NOL9: variants seen among roughly 807,000 people sequenced by gnomAD.
The protein encoded by NOL9 is nucleolar protein 9.
Under a neutral mutation model 67.9 loss-of-function variants are expected in NOL9, and 28 were observed. The ratio of observed to expected loss-of-function variants is 0.41; its 90% CI spans 0.31 to 0.57. The LOEUF (loss-of-function observed/expected upper bound fraction) is 0.57, where lower values mean the gene tolerates loss of function less well. Among genes scored for constraint, NOL9 ranks in the 20% least tolerant of loss-of-function variants. NOL9 has a pLI of 0.25. For synonymous variants in NOL9, 356 were observed against 352.2 expected (o/e 1.01, Z -0.12); for missense variants, 777 against 897.0 (o/e 0.87, Z 1.71).
intron 6 of NOL9, among the ~76,000 whole-genome samples, chr1:6,539,288 T>C (rs1639223664): frequency 6.6e-6 from 1 of 152,162 alleles, no homozygotes. Flanking sequence ...ACCCAGCAAT[T>C]CCACTCCTCG....
In NOL9 at chr1:6,552,296, G is replaced by T. The variant is rs529231674; in HGVS notation, c.397-1681C>A. Among the ~76,000 whole-genome samples the T allele has an allele frequency of 2.2e-3, 341 of 152,252 alleles. 4 individuals carry two copies. The highest frequency in any genetic ancestry group is 1.2e-3 in the Non-Finnish European group (84 of 68,026). ...GTACCCTGGAACTTAAAAGTGCTGG[G>T]ATTACAGGCGTGAGCCACCACACCC... is the stretch of plus-strand genomic sequence containing the variant. On this transcript the variant is annotated intron_variant, in intron 1 of 11. Transcript: ENST00000377705.
At chr1:6,546,097 T>G (rs1245240095) in intron 3 of NOL9, among the ~76,000 whole-genome samples, 1 of 151,910 alleles carries the variant, frequency 6.6e-6, no homozygotes, top group Non-Finnish European at 1.5e-5. Flanking sequence ...CAAGAATATC[T>G]AACAAAATTA....
At chr1:6,528,135 A>C (rs1638932461) in intron 10 of NOL9, among the ~76,000 whole-genome samples, 1 of 152,232 alleles carries the variant, frequency 6.6e-6, no homozygotes, top group Admixed American at 6.5e-5. Flanking sequence ...ACTTAGCTCC[A>C]GCACCCTTCC....
chr1:6,550,354 T>C, intron 2 of NOL9, 42 bp downstream of exon 2: 1 of 1,554,100 alleles, frequency 6.4e-7, no homozygotes, highest in Non-Finnish European at 8.9e-7. Context: ...ATTAGCCTTA[T>C]TACAGTAGGC....
chr1:6,545,260 G>C, intron 3 of NOL9, 80 bp from the exon 4 acceptor site: 1 of 1,366,264 alleles, frequency 7.3e-7, no homozygotes, highest in Non-Finnish European at 1.0e-6. Flanking sequence ...GCCTCACACA[G>C]TTGTGAGCCA....
At chr1:6,532,351 G>T in intron 8 of NOL9, 112 bp downstream of exon 8, 3 of 1,014,212 alleles carry the variant, frequency 3.0e-6, no homozygotes, top group Non-Finnish European at 4.4e-6. Context: ...ATGCACAGCT[G>T]TGACAGGGAC....
Position 6,532,453 on chromosome 1 carries a change from GGTTA to G in NOL9, c.1535+6_1535+9del, listed in dbSNP as rs763428897. The G allele has an allele frequency of 6.9e-6, 11 of 1,601,178 alleles. No individual in the cohort carries two copies. Among genetic ancestry groups the G allele is most frequent in the Admixed American group, 1.7e-5 (1 of 58,752 alleles). ...AAAAATAATTCTTCAGCCAAATGAG[GGTTA>G]GTTACCTATTTCTTGGAGTTATTCT... On this transcript the variant is annotated splice_donor_region_variant and intron_variant, in intron 8 of 11. Transcript: ENST00000377705.
intron 9 of NOL9, among the ~76,000 whole-genome samples, chr1:6,529,712 G>A (rs1375949410): frequency 6.6e-6 from 1 of 152,168 alleles, no homozygotes; most frequent in Non-Finnish European, 1.5e-5. Context: ...GATCACTTGA[G>A]GTCAGGAATT....
chr1:6,544,702 G>A (rs1167341054), intron 5 of NOL9, 124 bp downstream of exon 5: 2 of 924,658 alleles, frequency 2.2e-6, no homozygotes, highest in Non-Finnish European at 1.7e-6. Flanking sequence ...TGCTTCAGCT[G>A]GGCAGCTTTA....
At chr1:6,536,992 C>CA (rs1639170056) in intron 6 of NOL9, among the ~76,000 whole-genome samples, 1 of 151,888 alleles carries the variant, frequency 6.6e-6, no homozygotes, top group Admixed American at 6.6e-5. Context: ...GCCTGGGTGA[C>CA]AGAGTGAGAC....
intron 9 of NOL9, among the ~76,000 whole-genome samples, chr1:6,530,109 G>A (rs984934876): frequency 1.3e-5 from 2 of 152,076 alleles, no homozygotes; most frequent in Non-Finnish European, 2.9e-5. Context: ...CTAGGTGAAA[G>A]AGAGAGACTC....
Position 6,533,295 on chromosome 1 carries a change from T to C in NOL9, c.1222A>G (p.Met408Val), listed in dbSNP as rs1639075803. The change falls in exon 7 of 12, where the codon ATG becomes GTG. Residue 408 changes from methionine to valine, a missense_variant. Physicochemically the swap from Met to Val is conservative, Grantham distance 21 (BLOSUM62 1). This residue lies in a region of NOL9 where 413 missense variants were observed against 552.6 expected (regional missense o/e 0.75). Transcript: ENST00000377705. ...GCAGGCTTACCTGAAACCCATCCCA[T>C]AGTGTTGACGATGAGAGGGGACTCT... The part of the protein sequence containing the change: ...KRESPLIVNT[M>V]GWVSDQGLLL... 3 of 1,603,688 alleles carry C rather than the reference T, an allele frequency of 1.9e-6. No homozygotes were observed. The highest frequency in any genetic ancestry group is 1.7e-5 in the Admixed American group (1 of 59,016).
chr1:6,529,928 A>C (rs1638983691), intron 9 of NOL9, among the ~76,000 whole-genome samples: 1 of 152,092 alleles, frequency 6.6e-6, no homozygotes, highest in African/African-American at 2.4e-5. Context: ...TCCATCTCAA[A>C]AACAAAAATT....
chr1:6,531,012 G>A (rs979061809), intron 9 of NOL9, among the ~76,000 whole-genome samples: 5 of 152,218 alleles, frequency 3.3e-5, no homozygotes, highest in Non-Finnish European at 4.4e-5. Context: ...ACGGTAAGTA[G>A]TGGAGTTACA....
chr1:6,527,937 AAAAAC>A (rs1265679645), intron 10 of NOL9, among the ~76,000 whole-genome samples: 1 of 152,204 alleles, frequency 6.6e-6, no homozygotes, highest in Non-Finnish European at 1.5e-5. Context: ...TCTCGGAAAA[AAAAAC>A]AAAACAAAAA....
At chr1:6,545,233 A>C (rs1376057188) in intron 3 of NOL9, 53 bp from the exon 4 acceptor site, 3 of 1,540,102 alleles carry the variant, frequency 1.9e-6, no homozygotes, top group Non-Finnish European at 2.7e-6. Flanking sequence ...TTTTTTCTTC[A>C]GTACTAAATT....
chr1:6,545,086 C>T lies in NOL9; in HGVS notation c.839G>A (p.Ser280Asn). 6.2e-7 allele frequency: 1 copy of T among 1,614,206 alleles called. No homozygotes were observed. The highest frequency in any genetic ancestry group is 8.5e-7 in the Non-Finnish European group (1 of 1,180,036). ...TAACTCTTCCAGGGCTGAAAGGGTA[C>T]TCTCAGTTAACTGAAGGCCTTTCCT... is the stretch of plus-strand genomic sequence containing the variant. Reference protein sequence around the residue: ...KKRKGLQLTESTLSALEELVN... With the variant: ...KKRKGLQLTENTLSALEELVN... The change falls in exon 4 of 12, where the codon AGT (serine) becomes AAT (asparagine). Residue 280 changes from serine to asparagine, a missense_variant. Physicochemically the swap from Ser to Asn is conservative, Grantham distance 46 (BLOSUM62 1). Around this residue, in one of 2 missense-constraint regions of NOL9, gnomAD observed 413 missense variants for 552.6 expected, o/e 0.75. Coordinates refer to ENST00000377705, the MANE Select transcript of NOL9 (RefSeq NM_024654.5).
At chr1:6,554,053 T>C in intron 1 of NOL9, 54 bp downstream of exon 1, 2 of 1,430,622 alleles carry the variant, frequency 1.4e-6, no homozygotes, top group Non-Finnish European at 9.4e-7. Context: ...CTCCCGGGGC[T>C]GCCTCTCCAG....
intron 3 of NOL9, chr1:6,548,177 A>C (rs1461996680): frequency 8.0e-6 from 1 of 125,004 alleles, no homozygotes; most frequent in South Asian, 2.0e-4. Context: ...ACGGATTCTC[A>C]CTCTGTCTCC....
Sources: allele counts gnomAD v4.1 joint callset (sites outside exome capture counted in the v4.1 genomes callset), GRCh38; gene constraint gnomAD v4.1.1; regional missense constraint gnomAD v4.1.1; transcripts MANE v1.5; gene names NCBI Gene and HGNC (gene_info 2026-07-23, HGNC 2026-07-21).